TCF7L1: variants seen among roughly 807,000 people sequenced by gnomAD.
The protein encoded by TCF7L1 is transcription factor 7-like 1.
A neutral mutation model predicts 63.7 loss-of-function variants in TCF7L1; 18 were observed. The ratio of observed to expected loss-of-function variants is 0.28; its 90% CI spans 0.20 to 0.42. The LOEUF is 0.42. TCF7L1 is among the 10% of genes least tolerant of loss of function. The probability of loss-of-function intolerance (pLI) is 1.00; values close to 1 mark genes in which losing one functional copy is unlikely to be tolerated. For synonymous variants in TCF7L1, 355 were observed against 340.9 expected (o/e 1.04, Z -0.46); for missense variants, 654 against 779.3 (o/e 0.84, Z 1.91).
chr2:85,285,784 C>T (rs1029558807), intron 4 of TCF7L1, among the ~76,000 whole-genome samples: 2 of 152,224 alleles, frequency 1.3e-5, no homozygotes, highest in African/African-American at 2.4e-5. Flanking sequence ...CTCTCCTGTG[C>T]CGTCTGCCAG....
At chr2:85,188,334 T>C (rs1181587523) in intron 3 of TCF7L1, among the ~76,000 whole-genome samples, 1 of 152,248 alleles carries the variant, frequency 6.6e-6, no homozygotes, top group Admixed American at 6.5e-5. Context: ...CCAATCTCAA[T>C]ATCCTAGTTT....
At chr2:85,296,165 G>T (rs988740811) in intron 4 of TCF7L1, among the ~76,000 whole-genome samples, 12 of 152,308 alleles carry the variant, frequency 7.9e-5, no homozygotes, top group African/African-American at 2.6e-4. Flanking sequence ...GATAGCCCAT[G>T]TGTTTCTCCT....
chr2:85,218,369 C>T (rs140493464), intron 3 of TCF7L1, among the ~76,000 whole-genome samples: 4,504 of 152,198 alleles, frequency 0.03, 84 homozygotes, highest in Non-Finnish European at 0.047. Context: ...AATCCTTCTG[C>T]CTCAGCCTCC....
At position 85,263,545 on chromosome 2, in the gene TCF7L1, A is replaced by G. The variant is rs190613731; in HGVS notation, c.442-19950A>G. Among the ~76,000 whole-genome samples the G allele has an allele frequency of 2.6e-5, 4 of 152,282 alleles. No individual in the cohort carries two copies. In the East Asian group the frequency reaches 5.8e-4, roughly 22 times the overall value. ...CAGAATGATCCCCAAGGTTTGTACA[A>G]TACTCAGGGTGACCGCATGTCCTGG... On this transcript the variant is annotated intron_variant, in intron 3 of 11. Transcript: ENST00000282111.
At chr2:85,293,266 C>T (rs756033776) in intron 4 of TCF7L1, among the ~76,000 whole-genome samples, 2 of 152,190 alleles carry the variant, frequency 1.3e-5, no homozygotes, top group Non-Finnish European at 2.9e-5. Flanking sequence ...GACTGAATCA[C>T]GGGAGTGGTC....
At chr2:85,206,830 C>T (rs1191036284) in intron 3 of TCF7L1, among the ~76,000 whole-genome samples, 2 of 152,144 alleles carry the variant, frequency 1.3e-5, no homozygotes, top group Non-Finnish European at 2.9e-5. Context: ...AAACAAACGT[C>T]TTAGGAGATA....
chr2:85,173,395 A>G (rs1678599510), intron 3 of TCF7L1, among the ~76,000 whole-genome samples: 1 of 152,170 alleles, frequency 6.6e-6, no homozygotes, highest in Admixed American at 6.5e-5. Context: ...GGAGACAGGC[A>G]GGAGGCAGAA....
intron 3 of TCF7L1, among the ~76,000 whole-genome samples, chr2:85,256,898 A>T (rs1034356210): frequency 1.3e-5 from 2 of 151,966 alleles, no homozygotes; most frequent in Non-Finnish European, 2.9e-5. Flanking sequence ...CAGGAGAATC[A>T]CTTGAACCTG....
At chr2:85,163,073 G>A (rs778114454) in intron 3 of TCF7L1, among the ~76,000 whole-genome samples, 3 of 152,112 alleles carry the variant, frequency 2.0e-5, no homozygotes, top group Non-Finnish European at 4.4e-5. Flanking sequence ...GCCCTCCAAG[G>A]TCGTAGGGTC....
At chr2:85,162,112 G>A (rs940013032) in intron 3 of TCF7L1, among the ~76,000 whole-genome samples, 2 of 152,006 alleles carry the variant, frequency 1.3e-5, no homozygotes, top group African/African-American at 2.4e-5. Flanking sequence ...ATGCATGCCT[G>A]TAGTCCCAGC....
Position 85,134,102 on chromosome 2 carries a change from CCCCACTCT to C in TCF7L1, c.313+25_313+32del. ...AAGGTATGTGCCCGCTGGGACAGCCCCCCACTCTCGATTCCCGCTGCGCTCCGCTGCTC... is the reference window on the plus strand; with the variant it reads ...AAGGTATGTGCCCGCTGGGACAGCCCCGATTCCCGCTGCGCTCCGCTGCTC... On this transcript the variant is annotated intron_variant, in intron 2 of 11. Transcript: ENST00000282111. This position sits in a 1 kb window ranked among gnomAD's most constrained non-coding sequence, Gnocchi z 5.0. 3.1e-6 allele frequency: 5 copies of C among 1,606,386 alleles called. No homozygotes were observed. Among genetic ancestry groups the C allele is most frequent in the Non-Finnish European group, 4.2e-6 (5 of 1,177,464 alleles).
At chr2:85,231,655 G>A (rs55742496) in intron 3 of TCF7L1, among the ~76,000 whole-genome samples, 6 of 152,032 alleles carry the variant, frequency 3.9e-5, no homozygotes, top group Admixed American at 6.6e-5. Context: ...AAGCAGCTTC[G>A]TTTTTCCGGC....
intron 4 of TCF7L1, among the ~76,000 whole-genome samples, chr2:85,298,004 A>T (rs975017770): frequency 1.3e-5 from 2 of 150,436 alleles, no homozygotes; most frequent in Admixed American, 1.3e-4. Flanking sequence ...GTCGCTCAGG[A>T]TGGAGTGCAG....
chr2:85,229,798 A>G (rs1680034038), intron 3 of TCF7L1, among the ~76,000 whole-genome samples: 1 of 152,216 alleles, frequency 6.6e-6, no homozygotes, highest in African/African-American at 2.4e-5. Flanking sequence ...ACTTGAGCTC[A>G]GGAGTTTGAG....
chr2:85,159,756 A>G (rs921142141), intron 3 of TCF7L1, among the ~76,000 whole-genome samples: 1 of 152,192 alleles, frequency 6.6e-6, no homozygotes, highest in Admixed American at 6.5e-5. Context: ...GCCTTCTCCA[A>G]GTCCCTCTCA....
chr2:85,299,888 C>CACACACACACACACACACACACAT (rs1166355994), intron 4 of TCF7L1, among the ~76,000 whole-genome samples: 5 of 151,406 alleles, frequency 3.3e-5, no homozygotes, highest in Admixed American at 6.6e-5. Flanking sequence ...CACACACACA[C>CACACACACACACACACACACACAT]ACACACACAC....
chr2:85,281,392 G>A (rs1306835448), intron 3 of TCF7L1, among the ~76,000 whole-genome samples: 1 of 152,188 alleles, frequency 6.6e-6, no homozygotes, highest in East Asian at 1.9e-4. Flanking sequence ...AGATTACACT[G>A]GGTTTTGTGT....
intron 3 of TCF7L1, among the ~76,000 whole-genome samples, chr2:85,169,704 C>T (rs1678502426): frequency 6.6e-6 from 1 of 152,098 alleles, no homozygotes. Flanking sequence ...TTTTGGTCTG[C>T]TCTGGGCACC....
At chr2:85,201,212 A>G (rs146479277) in intron 3 of TCF7L1, among the ~76,000 whole-genome samples, 1 of 152,190 alleles carries the variant, frequency 6.6e-6, no homozygotes, top group Non-Finnish European at 1.5e-5. Flanking sequence ...CAAGAAAACA[A>G]AAACAAAAAC....
Sources: gnomAD v4.1 joint callset for allele counts (sites outside exome capture counted in the v4.1 genomes callset) on GRCh38, gnomAD v4.1.1 for gene constraint, Gnocchi (gnomAD v3.1) non-coding constraint, MANE v1.5 for transcripts, NCBI Gene and HGNC (gene_info 2026-07-23, HGNC 2026-07-21) for gene names.